The following MECR variants were observed in gnomAD, a reference collection of about 807,000 sequenced individuals.
The protein encoded by MECR is enoyl-[acyl-carrier-protein] reductase, mitochondrial.
A neutral mutation model predicts 49.1 loss-of-function variants in MECR; 37 were observed. The ratio of observed to expected loss-of-function variants is 0.75; its 90% CI spans 0.58 to 0.99. The LOEUF is 0.99. MECR is among the 50% of genes least tolerant of loss of function. The pLI is 0.00. For missense variants in MECR, 470 were observed against 479.6 expected (o/e 0.98, Z 0.19); for synonymous variants, 198 against 191.1 (o/e 1.04, Z -0.30).
In MECR at chr1:29,194,182, G is replaced by T. The variant is rs377112889; in HGVS notation, c.965-3C>A. 1 of 1,599,084 alleles carries T rather than the reference G, an allele frequency of 6.3e-7. No individual in the cohort carries two copies. Among genetic ancestry groups the T allele is most frequent in the Non-Finnish European group, 8.5e-7 (1 of 1,172,380 alleles). On this transcript the variant is annotated splice_polypyrimidine_tract_variant and splice_region_variant and intron_variant, in intron 9 of 9. Transcript: ENST00000263702. ...GAGGATCAGCTCCTTGAACTGGTCTGCGGGAGGTTGGAGGAAATCAGACAA... is the reference window on the plus strand; with the variant it reads ...GAGGATCAGCTCCTTGAACTGGTCTTCGGGAGGTTGGAGGAAATCAGACAA...
the MECR span, among the ~76,000 whole-genome samples, chr1:29,177,428 T>C: frequency 6.6e-6 from 1 of 152,070 alleles, no homozygotes; most frequent in Non-Finnish European, 1.5e-5. Context: ...ATTACAGGCA[T>C]GTGCCACGAC....
Position 29,230,785 on chromosome 1 carries a change from G to C in MECR, c.122C>G (p.Ala41Gly). 1 of 1,604,256 alleles carries C rather than the reference G, an allele frequency of 6.2e-7. No homozygotes were observed. The highest frequency in any genetic ancestry group is 1.1e-5 in the South Asian group (1 of 89,844). The change falls in exon 1 of 10, where the codon GCC (alanine) becomes GGC (glycine). Residue 41 changes from alanine to glycine, a missense_variant. Transcript: ENST00000263702. ...ASSYSASAEPARVRALVYGHH... is the reference protein window; with the variant it reads ...ASSYSASAEPGRVRALVYGHH... ...CCCATAGACAAGCGCCCGGACCCGG[G>C]CAGGCTCGGCGGATGCGGAGTAGGA...
At chr1:29,203,959 G>A (rs1332741291) in intron 4 of MECR, among the ~76,000 whole-genome samples, 3 of 152,182 alleles carry the variant, frequency 2.0e-5, no homozygotes, top group Non-Finnish European at 4.4e-5. Flanking sequence ...TGGGGAAGGC[G>A]GTGTGACATG....
intron 5 of MECR, 77 bp from the exon 6 acceptor site, chr1:29,202,122 G>T: frequency 8.0e-7 from 1 of 1,252,670 alleles, no homozygotes; most frequent in Non-Finnish European, 1.2e-6. Context: ...CTCTGCCACA[G>T]CTGGGAGAAC....
intron 3 of MECR, among the ~76,000 whole-genome samples, chr1:29,214,192 G>C (rs927756174): frequency 2.6e-5 from 4 of 151,140 alleles, no homozygotes; most frequent in African/African-American, 9.8e-5. Flanking sequence ...TTCCCGAGTA[G>C]CTGGGACTAC....
At chr1:29,182,562 T>C in the MECR span, among the ~76,000 whole-genome samples, 2 of 152,062 alleles carry the variant, frequency 1.3e-5, no homozygotes, top group Non-Finnish European at 2.9e-5. Context: ...TTTTTTTTTT[T>C]GAGACGAGTT....
At chr1:29,196,409 G>A in intron 7 of MECR, 151 bp from the exon 8 acceptor site, 1 of 735,262 alleles carries the variant, frequency 1.4e-6, no homozygotes, top group East Asian at 2.7e-5. Context: ...GATTCCAGCT[G>A]GGAGCAGTGG....
At chr1:29,212,356 T>C (rs1226129357) in intron 3 of MECR, among the ~76,000 whole-genome samples, 2 of 152,004 alleles carry the variant, frequency 1.3e-5, no homozygotes, top group Non-Finnish European at 2.9e-5. Flanking sequence ...GAGGTGGAGG[T>C]TGCAGGTTGC....
chr1:29,178,646 G>A, the MECR span, among the ~76,000 whole-genome samples: 6 of 152,058 alleles, frequency 3.9e-5, no homozygotes, highest in Non-Finnish European at 5.9e-5. Context: ...CACCGCGCCC[G>A]GCCTCTGAGT....
the MECR span, chr1:29,171,310 G>T: frequency 1.3e-5 from 2 of 150,966 alleles, no homozygotes; most frequent in Non-Finnish European, 2.9e-5. Flanking sequence ...AACAAGCCCG[G>T]AAACCTGAAC....
At chr1:29,210,453 A>G (rs1677716678) in intron 3 of MECR, among the ~76,000 whole-genome samples, 1 of 152,208 alleles carries the variant, frequency 6.6e-6, no homozygotes, top group Non-Finnish European at 1.5e-5. Context: ...CTGGCCTTCA[A>G]ATCATCGTTC....
chr1:29,168,191 ATTTT>A, the MECR span, among the ~76,000 whole-genome samples: 7 of 134,950 alleles, frequency 5.2e-5, no homozygotes, highest in African/African-American at 8.3e-5. Flanking sequence ...ATTTTTTGTA[ATTTT>A]TTTTTTTTTT....
intron 4 of MECR, among the ~76,000 whole-genome samples, chr1:29,204,132 T>C (rs955664160): frequency 1.3e-5 from 2 of 151,936 alleles, no homozygotes; most frequent in African/African-American, 4.8e-5. Flanking sequence ...GGCAGGAGAA[T>C]CGCTTGAACC....
At chr1:29,203,905 A>G (rs1195655804) in intron 4 of MECR, among the ~76,000 whole-genome samples, 2 of 152,234 alleles carry the variant, frequency 1.3e-5, no homozygotes, top group Admixed American at 1.3e-4. Flanking sequence ...ACAGGGTCCT[A>G]CAGTTCTGTG....
At chr1:29,171,416 T>C in the MECR span, 1 of 147,694 alleles carries the variant, frequency 6.8e-6, no homozygotes, top group African/African-American at 2.5e-5. Context: ...GTATCTAGTA[T>C]GGGAATTTAA....
chr1:29,184,844 G>GC, the MECR span, among the ~76,000 whole-genome samples: 1 of 152,146 alleles, frequency 6.6e-6, no homozygotes, highest in Non-Finnish European at 1.5e-5. Flanking sequence ...CTGGGCTCAG[G>GC]CCAGGCACAG....
chr1:29,196,107 C>G (rs995250154), intron 8 of MECR, 91 bp downstream of exon 8: 3 of 1,601,246 alleles, frequency 1.9e-6, no homozygotes, highest in Admixed American at 3.3e-5. Flanking sequence ...GGGGCATTGC[C>G]TAAGCTTAGA....
chr1:29,199,619 C>CT (rs909108578), intron 7 of MECR, among the ~76,000 whole-genome samples: 5 of 149,838 alleles, frequency 3.3e-5, no homozygotes, highest in African/African-American at 4.9e-5. Flanking sequence ...TGATAGGTAA[C>CT]TTTTTTTTTT....
At chr1:29,172,549 C>T in the MECR span, 1 of 152,210 alleles carries the variant, frequency 6.6e-6, no homozygotes, top group Non-Finnish European at 1.5e-5. Flanking sequence ...GCCTTGGCCT[C>T]CTAAAGTGCT....
Sources: gnomAD v4.1 joint callset for allele counts (sites outside exome capture counted in the v4.1 genomes callset) on GRCh38, gnomAD v4.1.1 for gene constraint, MANE v1.5 for transcripts, NCBI Gene and HGNC (gene_info 2026-07-23, HGNC 2026-07-21) for gene names.